Variants in ZNF280C observed in about 807,000 individuals in gnomAD.
ZNF280C encodes zinc finger protein 280C.
A neutral mutation model predicts 53.6 loss-of-function variants in ZNF280C; 14 were observed. The ratio of observed to expected loss-of-function variants is 0.26; its 90% confidence interval spans 0.17 to 0.41. The LOEUF is 0.41. Among genes scored for constraint, ZNF280C ranks in the 10% least tolerant of loss-of-function variants. The probability of loss-of-function intolerance (pLI) is 1.00; values close to 1 mark genes in which losing one functional copy is unlikely to be tolerated. For missense variants in ZNF280C, 416 were observed against 547.1 expected, an observed-to-expected ratio of 0.76 and a Z score of 2.39; for synonymous variants, 203 against 181.1, an observed-to-expected ratio of 1.12 and a Z score of -0.97.
intron 8 of ZNF280C, among the ~76,000 whole-genome samples, chrX:130,235,777 A>G (rs1264105061): frequency 1.8e-5 from 2 of 111,466 alleles, no homozygotes; most frequent in East Asian, 2.8e-4. Flanking sequence ...AAACATTACA[A>G]CTTATTCCTT....
intron 13 of ZNF280C, among the ~76,000 whole-genome samples, chrX:130,216,954 C>T (rs1156411271): frequency 4.5e-5 from 5 of 111,434 alleles, no homozygotes; most frequent in Non-Finnish European, 7.5e-5. Flanking sequence ...GTGCCAAGAT[C>T]GCACCACTGC....
intron 2 of ZNF280C, among the ~76,000 whole-genome samples, chrX:130,259,811 G>A (rs1383623942): frequency 9.2e-6 from 1 of 109,289 alleles, no homozygotes; most frequent in African/African-American, 3.3e-5. Flanking sequence ...CCAACATGGT[G>A]AAACCCCATC....
intron 16 of ZNF280C, among the ~76,000 whole-genome samples, chrX:130,208,668 C>T (rs1616252): frequency 0.5 from 54,170 of 109,120 alleles, 10,556 homozygotes; most frequent in African/African-American, 0.72. Flanking sequence ...TTTCTAATTC[C>T]TCGAATTCAA....
Position 130,226,876 on chromosome X carries a change from A to G in ZNF280C, c.1278T>C (p.Ser426=), listed in dbSNP as rs1229975555. Residue 426 remains serine (S), a synonymous_variant, in exon 12 of 19, where the codon TCT becomes TCC. Transcript: ENST00000370978. ...CTGCTCTAAAATGAGCTTCTACATC[A>G]GAAAATGTTGATGATCTAAACTGGC... The part of the protein sequence containing the change: ...QVCQFRSSTF[S]DVEAHFRAAH... 3 of 1,206,527 alleles carry G rather than the reference A, an allele frequency of 2.5e-6. No homozygotes were observed. The highest frequency in any genetic ancestry group is 3.0e-5 in the East Asian group (1 of 33,789).
chrX:130,234,793 T>C (rs2032314446), intron 8 of ZNF280C, among the ~76,000 whole-genome samples: 1 of 111,840 alleles, frequency 8.9e-6, no homozygotes, highest in Non-Finnish European at 1.9e-5. Context: ...GTTACCTTAA[T>C]CCCATACTCT....
intron 16 of ZNF280C, among the ~76,000 whole-genome samples, chrX:130,208,248 G>A (rs2032000050): frequency 9.0e-6 from 1 of 111,419 alleles, no homozygotes. Flanking sequence ...TCGTGCCTCA[G>A]CCTCCTGAGT....
intron 2 of ZNF280C, among the ~76,000 whole-genome samples, chrX:130,254,346 T>G (rs1310526196): frequency 8.9e-6 from 1 of 111,928 alleles, no homozygotes; most frequent in Non-Finnish European, 1.9e-5. Context: ...GAAGACAGTG[T>G]GGTGATTCCT....
chrX:130,268,324 T>A (rs1391008745), intron 1 of ZNF280C, among the ~76,000 whole-genome samples: 1 of 111,217 alleles, frequency 9.0e-6, no homozygotes, highest in Non-Finnish European at 1.9e-5. Context: ...CGGAATCCCC[T>A]CAAGTCTCTT....
chrX:130,221,343 C>T (rs1017980658), intron 12 of ZNF280C, among the ~76,000 whole-genome samples: 1 of 111,336 alleles, frequency 9.0e-6, no homozygotes, highest in Non-Finnish European at 1.9e-5. Context: ...AGAATGTTCC[C>T]GCAGAGTACA....
At chrX:130,212,844 G>A (rs2032054176) in intron 15 of ZNF280C, among the ~76,000 whole-genome samples, 1 of 111,212 alleles carries the variant, frequency 9.0e-6, no homozygotes, top group Non-Finnish European at 1.9e-5. Context: ...TGAAATAAGG[G>A]TGTGGAGGAA....
At chrX:130,218,975 A>G (rs1247025218) in intron 13 of ZNF280C, among the ~76,000 whole-genome samples, 1 of 111,924 alleles carries the variant, frequency 8.9e-6, no homozygotes, top group Non-Finnish European at 1.9e-5. Flanking sequence ...GTCTAATACC[A>G]ACATGGAACA....
At chrX:130,266,311 T>C (rs185522820) in intron 1 of ZNF280C, among the ~76,000 whole-genome samples, 2 of 110,697 alleles carry the variant, frequency 1.8e-5, no homozygotes, top group Admixed American at 1.9e-4. Flanking sequence ...AAACAGAGAG[T>C]AGAAAGATGG....
At chrX:130,240,691 T>A (rs1164372108) in intron 5 of ZNF280C, among the ~76,000 whole-genome samples, 2 of 112,373 alleles carry the variant, frequency 1.8e-5, no homozygotes, top group Non-Finnish European at 3.8e-5. Flanking sequence ...AGCAGACACA[T>A]TATTCAACAA....
At chrX:130,248,459 A>G (rs2124711715) in intron 2 of ZNF280C, among the ~76,000 whole-genome samples, 1 of 111,260 alleles carries the variant, frequency 9.0e-6, no homozygotes, top group African/African-American at 3.3e-5. Context: ...GAGGCAGCAC[A>G]CGAGCCAGAG....
In ZNF280C at chrX:130,216,113, A is replaced by G; in HGVS notation, c.1528-12T>C. The G allele has an allele frequency of 8.6e-7, 1 of 1,160,916 alleles. No individual in the cohort carries two copies. Among genetic ancestry groups the G allele is most frequent in the Non-Finnish European group, 1.2e-6 (1 of 864,683 alleles). On this transcript the variant is annotated splice_polypyrimidine_tract_variant and intron_variant, in intron 13 of 18. Coordinates refer to ENST00000370978, the MANE Select transcript of ZNF280C (RefSeq NM_017666.5). ...GCTCGAATAGTAACCTATAAAAACA[A>G]AGCCAATACATATTTTTAGAAAAGT...
intron 16 of ZNF280C, among the ~76,000 whole-genome samples, chrX:130,205,795 A>G (rs2031967115): frequency 9.2e-6 from 1 of 108,586 alleles, no homozygotes; most frequent in African/African-American, 3.4e-5. Flanking sequence ...AGGCTGAGAC[A>G]GGAGAATTGC....
intron 13 of ZNF280C, among the ~76,000 whole-genome samples, chrX:130,216,863 G>A (rs1259345487): frequency 3.6e-5 from 4 of 110,926 alleles, no homozygotes; most frequent in Non-Finnish European, 7.5e-5. Context: ...AGCCAGGCAT[G>A]GTGGCAGGTA....
At chrX:130,219,251 C>T (rs112867309) in intron 13 of ZNF280C, among the ~76,000 whole-genome samples, 20 of 110,530 alleles carry the variant, frequency 1.8e-4, no homozygotes, top group African/African-American at 5.9e-4. Context: ...TCTGGGAGGC[C>T]GAGGCGGGCA....
chrX:130,222,016 T>A (rs1328661446), intron 12 of ZNF280C, among the ~76,000 whole-genome samples: 1 of 111,220 alleles, frequency 9.0e-6, no homozygotes, highest in African/African-American at 3.3e-5. Flanking sequence ...CCAGCCACAC[T>A]GGTCTCCTTG....
Sources: allele counts gnomAD v4.1 joint callset (sites outside exome capture counted in the v4.1 genomes callset), GRCh38; gene constraint gnomAD v4.1.1; transcripts MANE v1.5; gene names NCBI Gene and HGNC (gene_info 2026-07-23, HGNC 2026-07-21).